Variants in RASGRF1 observed in about 807,000 individuals in gnomAD.
RASGRF1 encodes the protein Ras protein specific guanine nucleotide releasing factor 1, also known as ras-specific guanine nucleotide-releasing factor 1.
RASGRF1 carries 40 observed loss-of-function variants against 138.7 expected under a neutral mutation model. The observed-to-expected ratio is 0.29, with a 90% CI of 0.22 to 0.38. RASGRF1 has a LOEUF of 0.38. Among genes scored for constraint, RASGRF1 ranks in the 10% least tolerant of loss-of-function variants. RASGRF1 has a pLI of 1.00. For missense variants in RASGRF1, 1,108 were observed against 1,650.4 expected (o/e 0.67, Z 5.69); for synonymous variants, 614 against 663.2 (o/e 0.93, Z 1.14).
At chr15:78,976,388 G>A (rs2055871110) in intron 24 of RASGRF1, among the ~76,000 whole-genome samples, 1 of 152,128 alleles carries the variant, frequency 6.6e-6, no homozygotes, top group Non-Finnish European at 1.5e-5. Flanking sequence ...TAGCTAATAA[G>A]CTGGAAAAAA....
At chr15:79,051,888 G>A (rs866149609) in intron 3 of RASGRF1, among the ~76,000 whole-genome samples, 10 of 152,294 alleles carry the variant, frequency 6.6e-5, no homozygotes, top group African/African-American at 9.6e-5. Flanking sequence ...AGCCAATATC[G>A]GGATGGTGGT....
intron 5 of RASGRF1, among the ~76,000 whole-genome samples, chr15:79,045,945 A>T (rs2057349337): frequency 6.6e-6 from 1 of 152,248 alleles, no homozygotes; most frequent in African/African-American, 2.4e-5. Context: ...GAATTCTTAG[A>T]TGACATTCCA....
At position 79,032,465 on chromosome 15, in the gene RASGRF1, C is replaced by T. The variant is rs138100522; in HGVS notation, c.959-149G>A. On this transcript the variant is annotated intron_variant, in intron 6 of 26. Transcript: ENST00000558480. This position sits in a 1 kb window ranked among gnomAD's most constrained non-coding sequence, Gnocchi z 4.5. ...GAGACATCTCTGCTCTTGGGGATGACTCCAGTACCACTGCCCTATCCAGTG... is the reference window on the plus strand; with the variant it reads ...GAGACATCTCTGCTCTTGGGGATGATTCCAGTACCACTGCCCTATCCAGTG... 619 of 713,006 alleles carry T rather than the reference C, an allele frequency of 8.7e-4. 1 individual carries two copies. Among genetic ancestry groups the T allele is most frequent in the Non-Finnish European group, 1.3e-3 (543 of 429,704 alleles). The allele number at this position is 713,006 out of a possible 1,614,324, so 44.2% of individuals were successfully genotyped here.
At chr15:79,079,302 A>T (rs1326910582) in intron 1 of RASGRF1, among the ~76,000 whole-genome samples, 1 of 152,216 alleles carries the variant, frequency 6.6e-6, no homozygotes, top group Non-Finnish European at 1.5e-5. Context: ...GAATGAAGGT[A>T]CAAACTTCAG....
intron 22 of RASGRF1, among the ~76,000 whole-genome samples, chr15:78,987,364 T>C (rs1413937366): frequency 6.6e-6 from 1 of 151,878 alleles, no homozygotes; most frequent in Non-Finnish European, 1.5e-5. Context: ...GGAGCAAACA[T>C]CATTCCACAT....
At chr15:79,004,848 C>A in intron 14 of RASGRF1, 1 of 985,214 alleles carries the variant, frequency 1.0e-6, no homozygotes, top group Non-Finnish European at 1.2e-6. Context: ...GATCTTTTAA[C>A]CCTCACTGTT....
intron 23 of RASGRF1, chr15:78,981,326 C>A (rs933115018): frequency 3.3e-4 from 50 of 152,216 alleles, no homozygotes; most frequent in African/African-American, 1.2e-3. Flanking sequence ...CCATGGAGCA[C>A]CCCGGGTCAA....
intron 6 of RASGRF1, among the ~76,000 whole-genome samples, chr15:79,034,470 C>G (rs1049105796): frequency 7.2e-5 from 11 of 152,148 alleles, no homozygotes; most frequent in African/African-American, 2.7e-4. Context: ...ATTGGAAACC[C>G]ATCCCAAGGA....
intron 1 of RASGRF1, among the ~76,000 whole-genome samples, chr15:79,080,287 G>A (rs1386780732): frequency 6.6e-6 from 1 of 152,206 alleles, no homozygotes; most frequent in East Asian, 1.9e-4. Flanking sequence ...GCCTGCAGAT[G>A]TGACCAGAGA....
At chr15:79,067,062 G>A (rs1344225661) in intron 1 of RASGRF1, among the ~76,000 whole-genome samples, 1 of 152,164 alleles carries the variant, frequency 6.6e-6, no homozygotes, top group African/African-American at 2.4e-5. Flanking sequence ...TGCATCTGCT[G>A]TCCTCCTGGG....
intron 14 of RASGRF1, chr15:79,005,584 C>A (rs1466608078): frequency 1.0e-6 from 1 of 986,396 alleles, no homozygotes; most frequent in East Asian, 1.1e-4. Context: ...TCCTTCATTG[C>A]CCCATGACTT....
At chr15:78,984,615 T>C in intron 23 of RASGRF1, 1 of 270,058 alleles carries the variant, frequency 3.7e-6, no homozygotes, top group Non-Finnish European at 7.3e-6. Flanking sequence ...GGAAGTGTCC[T>C]CTGACGGAAG....
intron 8 of RASGRF1, among the ~76,000 whole-genome samples, chr15:79,030,156 T>C (rs1252628033): frequency 1.3e-5 from 2 of 152,184 alleles, no homozygotes; most frequent in Non-Finnish European, 2.9e-5. Context: ...GGGCAGCCTA[T>C]ACCCTGTGCT....
At chr15:78,974,172 C>T (rs913411823) in intron 24 of RASGRF1, among the ~76,000 whole-genome samples, 6 of 152,132 alleles carry the variant, frequency 3.9e-5, no homozygotes, top group African/African-American at 9.7e-5. Flanking sequence ...GCCCTTGGCT[C>T]GGTGCTGGGT....
chr15:79,082,799 G>A (rs1029327020), intron 1 of RASGRF1, among the ~76,000 whole-genome samples: 2 of 152,214 alleles, frequency 1.3e-5, no homozygotes, highest in African/African-American at 2.4e-5. Flanking sequence ...GGAACTCACA[G>A]GTTCTTTGAG....
intron 2 of RASGRF1, among the ~76,000 whole-genome samples, chr15:79,060,070 C>T (rs575913140): frequency 1.5e-4 from 23 of 150,962 alleles, no homozygotes; most frequent in South Asian, 1.3e-3. Flanking sequence ...TTATAGTGTC[C>T]GCCTCTGGTC....
chr15:78,993,247 CGTGGTGTGTGTGGT>C lies in RASGRF1; in HGVS notation c.3028-1467_3028-1454del, dbSNP rs1157524532. 7.7e-4 allele frequency among the ~76,000 whole-genome samples: 38 copies of C among 49,202 alleles called. 1 individual carries two copies. Among genetic ancestry groups the C allele is most frequent in the Admixed American group, 1.3e-3 (7 of 5,328 alleles). 32.3% of individuals were successfully genotyped at this position (49,202 alleles called of 152,430 possible). ...TGTGTGGGTGATGTGTGTGTGTGTA[CGTGGTGTGTGTGGT>C]GTGGTGTGTGTGGTGTGTGTGTGGT... On this transcript the variant is annotated intron_variant, in intron 20 of 26. Coordinates refer to ENST00000558480, the MANE Select transcript of RASGRF1 (RefSeq NM_001145648.3).
chr15:79,039,665 G>A (rs967140147), intron 5 of RASGRF1, among the ~76,000 whole-genome samples: 8 of 152,068 alleles, frequency 5.3e-5, no homozygotes, highest in Admixed American at 2.6e-4. Flanking sequence ...TTGTTTATGC[G>A]TCATCACATA....
At chr15:79,010,421 G>A (rs1394112322) in intron 13 of RASGRF1, among the ~76,000 whole-genome samples, 3 of 152,220 alleles carry the variant, frequency 2.0e-5, no homozygotes, top group Non-Finnish European at 4.4e-5. Flanking sequence ...TAGGCAGACT[G>A]GTAGCAGTGG....
Sources: gnomAD v4.1 joint callset for allele counts (sites outside exome capture counted in the v4.1 genomes callset) on GRCh38, gnomAD v4.1.1 for gene constraint, Gnocchi (gnomAD v3.1) non-coding constraint, MANE v1.5 for transcripts, NCBI Gene and HGNC (gene_info 2026-07-23, HGNC 2026-07-21) for gene names.